The following RERE variants were observed in gnomAD, a reference collection of about 807,000 sequenced individuals.
RERE encodes arginine-glutamic acid dipeptide repeats.
A neutral mutation model predicts 146.1 loss-of-function variants in RERE; 40 were observed. The observed-to-expected ratio is 0.27, with a 90% CI of 0.21 to 0.36. RERE has a LOEUF of 0.36. Among genes scored for constraint, RERE ranks in the 10% least tolerant of loss-of-function variants. RERE has a pLI of 1.00. For missense variants in RERE, 1,933 were observed against 2,138.7 expected (o/e 0.90, Z 1.90); for synonymous variants, 1,003 against 866.0 (o/e 1.16, Z -2.78).
chr1:8,509,044 A>G (rs1557665212), intron 7 of RERE, among the ~76,000 whole-genome samples: 2 of 152,170 alleles, frequency 1.3e-5, no homozygotes, highest in East Asian at 1.9e-4. Context: ...CCTCCAGAGT[A>G]GCTAGGATTT....
intron 1 of RERE, among the ~76,000 whole-genome samples, chr1:8,759,764 A>C (rs2124528560): frequency 6.6e-6 from 1 of 152,164 alleles, no homozygotes; most frequent in East Asian, 1.9e-4. Context: ...ATGAAGAAAA[A>C]CACTACAAAA....
chr1:8,517,018 A>C (rs1267483246), intron 7 of RERE, among the ~76,000 whole-genome samples: 1 of 152,154 alleles, frequency 6.6e-6, no homozygotes, highest in Non-Finnish European at 1.5e-5. Context: ...CTGTCTCTTC[A>C]TTGTTGTGGT....
At chr1:8,553,929 G>A (rs1293328446) in intron 6 of RERE, among the ~76,000 whole-genome samples, 1 of 152,206 alleles carries the variant, frequency 6.6e-6, no homozygotes, top group Non-Finnish European at 1.5e-5. Context: ...TGTAATCCCA[G>A]CACTTTGGGA....
chr1:8,646,708 A>G (rs1647325900), intron 2 of RERE, among the ~76,000 whole-genome samples: 1 of 152,236 alleles, frequency 6.6e-6, no homozygotes, highest in African/African-American at 2.4e-5. Flanking sequence ...ATGTAGATAG[A>G]CACAGAGATA....
intron 12 of RERE, among the ~76,000 whole-genome samples, chr1:8,420,182 T>A (rs1370272789): frequency 6.6e-6 from 1 of 152,204 alleles, no homozygotes; most frequent in Non-Finnish European, 1.5e-5. Context: ...GAAGAAAATG[T>A]AAGCCAGGCA....
intron 1 of RERE, among the ~76,000 whole-genome samples, chr1:8,722,723 T>C (rs1003699159): frequency 2.0e-5 from 3 of 152,208 alleles, no homozygotes; most frequent in Non-Finnish European, 4.4e-5. Flanking sequence ...CTGAATACTA[T>C]AAGTAATCTG....
Position 8,556,593 on chromosome 1 carries a change from C to T in RERE, c.629-22G>A, listed in dbSNP as rs201015716. 6.0e-5 allele frequency: 87 copies of T among 1,451,928 alleles called. No individual in the cohort carries two copies. The African/African-American group carries it at 7.1e-4, about 12-fold the overall frequency. The allele number at this position is 1,451,928 out of a possible 1,614,324, so 89.9% of individuals were successfully genotyped here. On this transcript the variant is annotated intron_variant, in intron 5 of 22. Transcript: ENST00000400908. ...GAGTCTGTCAAAAAATTAATTAAGA[C>T]GACATTAAAACTGAGTTTCCCAAAA... is the stretch of plus-strand genomic sequence containing the variant.
At chr1:8,398,967 A>G (rs544261485) in intron 12 of RERE, among the ~76,000 whole-genome samples, 1 of 152,250 alleles carries the variant, frequency 6.6e-6, no homozygotes, top group East Asian at 1.9e-4. Context: ...GTGAAGTAAT[A>G]TGTGTATTTT....
chr1:8,492,872 T>C lies in RERE; in HGVS notation c.1104+2191A>G, dbSNP rs1416065305. ...CTGCAGTGAGCCAAGACTGTGTCACTGTACTCCAGACTGGGCAACAGAGCA... is the reference window on the plus strand; with the variant it reads ...CTGCAGTGAGCCAAGACTGTGTCACCGTACTCCAGACTGGGCAACAGAGCA... On this transcript the variant is annotated intron_variant, in intron 10 of 22. Transcript: ENST00000400908. 2.6e-5 allele frequency among the ~76,000 whole-genome samples: 4 copies of C among 151,960 alleles called. No individual in the cohort carries two copies. In the East Asian group the frequency reaches 7.7e-4, roughly 29 times the overall value.
At chr1:8,405,345 G>A (rs901772830) in intron 12 of RERE, among the ~76,000 whole-genome samples, 2 of 151,974 alleles carry the variant, frequency 1.3e-5, no homozygotes, top group Admixed American at 6.6e-5. Flanking sequence ...AACCACCCCC[G>A]AAAAATACCC....
At chr1:8,571,981 T>A (rs978592542) in intron 4 of RERE, among the ~76,000 whole-genome samples, 2 of 152,222 alleles carry the variant, frequency 1.3e-5, no homozygotes, top group Non-Finnish European at 2.9e-5. Context: ...AGATTCTGCA[T>A]CACGTTCAAG....
intron 1 of RERE, among the ~76,000 whole-genome samples, chr1:8,815,547 C>G (rs964644464): frequency 1.3e-5 from 2 of 152,118 alleles, no homozygotes; most frequent in Non-Finnish European, 2.9e-5. Flanking sequence ...GCAGAAACCA[C>G]GGCTGCAAAA....
intron 1 of RERE, chr1:8,786,074 T>C (rs1486072077): frequency 2.4e-6 from 1 of 414,612 alleles, no homozygotes; most frequent in Non-Finnish European, 4.5e-6. Context: ...CTGGCCACAC[T>C]CCTCATCAGT....
At position 8,787,699 on chromosome 1, in the gene RERE, T is replaced by C. The variant is rs6659739; in HGVS notation, c.-145+29461A>G. On this transcript the variant is annotated intron_variant, in intron 1 of 22. Coordinates refer to ENST00000400908, the MANE Select transcript of RERE (RefSeq NM_001042681.2). ...TACAAAAATTAGCCAGGCGTCGTGG[T>C]GGGTGCCTGTAATCCCAGCTACTTG... Among the ~76,000 whole-genome samples the C allele has an allele frequency of 2.5e-3, 386 of 151,494 alleles. 3 individuals carry two copies. The highest frequency in any genetic ancestry group is 8.9e-3 in the African/African-American group (366 of 41,276).
chr1:8,607,892 A>G (rs1646741153), intron 4 of RERE, among the ~76,000 whole-genome samples: 1 of 151,704 alleles, frequency 6.6e-6, no homozygotes, highest in Non-Finnish European at 1.5e-5. Flanking sequence ...CGCCTGGCTA[A>G]TTTTTGTATT....
chr1:8,517,602 A>G (rs1557668937), intron 7 of RERE, among the ~76,000 whole-genome samples: 1 of 152,270 alleles, frequency 6.6e-6, no homozygotes, highest in Non-Finnish European at 1.5e-5. Flanking sequence ...TTGTTTTAGA[A>G]TATGAAAAAA....
At chr1:8,747,041 TCGCTCTGTCGCC>T in intron 1 of RERE, among the ~76,000 whole-genome samples, 1 of 151,958 alleles carries the variant, frequency 6.6e-6, no homozygotes, top group South Asian at 2.1e-4. Context: ...AGACGGAGTC[TCGCTCTGTCGCC>T]CAGGCTGGAG....
intron 4 of RERE, among the ~76,000 whole-genome samples, chr1:8,567,004 T>C (rs1321693165): frequency 6.6e-6 from 1 of 152,178 alleles, no homozygotes; most frequent in African/African-American, 2.4e-5. Context: ...TTAGCCAGGA[T>C]GGTCTTGATC....
chr1:8,610,633 T>G (rs1646782408), intron 4 of RERE, among the ~76,000 whole-genome samples: 1 of 152,126 alleles, frequency 6.6e-6, no homozygotes, highest in Non-Finnish European at 1.5e-5. Flanking sequence ...CCAGAATTTG[T>G]ATAATTCAAG....
Sources: allele counts gnomAD v4.1 joint callset (sites outside exome capture counted in the v4.1 genomes callset), GRCh38; gene constraint gnomAD v4.1.1; transcripts MANE v1.5; gene names NCBI Gene and HGNC (gene_info 2026-07-23, HGNC 2026-07-21).